Variants in ARB2A observed in about 807,000 individuals in gnomAD.
The protein encoded by ARB2A is cotranscriptional regulator ARB2A.
chr5:93,901,406 C>G, the ARB2A span, among the ~76,000 whole-genome samples: 3 of 152,098 alleles, frequency 2.0e-5, no homozygotes, highest in African/African-American at 7.2e-5. Context: ...TATGGCTGAA[C>G]AGAAGCGTAG....
the ARB2A span, among the ~76,000 whole-genome samples, chr5:93,983,051 G>A: frequency 2.0e-5 from 3 of 152,064 alleles, no homozygotes; most frequent in African/African-American, 7.2e-5. Context: ...GTGAGACTCC[G>A]ATACACACCT....
chr5:93,958,019 T>C, the ARB2A span, among the ~76,000 whole-genome samples: 6 of 151,818 alleles, frequency 4.0e-5, no homozygotes, highest in East Asian at 1.9e-4. Context: ...CTTTGCAAAA[T>C]TGGGCTGTTC....
the ARB2A span, among the ~76,000 whole-genome samples, chr5:93,656,466 A>G: frequency 6.6e-6 from 1 of 152,166 alleles, no homozygotes; most frequent in African/African-American, 2.4e-5. Flanking sequence ...TATTTGGTTA[A>G]AAACTGAATT....
At chr5:93,806,122 C>CA in the ARB2A span, among the ~76,000 whole-genome samples, 4 of 151,768 alleles carry the variant, frequency 2.6e-5, no homozygotes, top group East Asian at 7.8e-4. Context: ...TATACAATTC[C>CA]AATTCAGAGA....
the ARB2A span, among the ~76,000 whole-genome samples, chr5:93,952,761 C>T: frequency 1.3e-5 from 2 of 152,138 alleles, no homozygotes; most frequent in Admixed American, 1.3e-4. Context: ...AAACTTTCTA[C>T]CTCTACTTCT....
chr5:93,823,758 C>T, the ARB2A span, among the ~76,000 whole-genome samples: 5 of 152,006 alleles, frequency 3.3e-5, no homozygotes, highest in Non-Finnish European at 5.9e-5. Flanking sequence ...AGATTGAGAA[C>T]ATCCTGGCCA....
the ARB2A span, among the ~76,000 whole-genome samples, chr5:93,648,183 T>A: frequency 6.6e-6 from 1 of 151,888 alleles, no homozygotes; most frequent in Non-Finnish European, 1.5e-5. Flanking sequence ...TTATTTCTTA[T>A]TTTAATTTAA....
chr5:93,728,547 T>C, the ARB2A span, among the ~76,000 whole-genome samples: 1 of 152,086 alleles, frequency 6.6e-6, no homozygotes, highest in Non-Finnish European at 1.5e-5. Context: ...ACAGTTTTTT[T>C]TAAAATCAAA....
chr5:93,890,191 G>A, the ARB2A span, among the ~76,000 whole-genome samples: 2 of 151,880 alleles, frequency 1.3e-5, no homozygotes, highest in Non-Finnish European at 2.9e-5. Context: ...ACTATCAGTT[G>A]TTTTTAGATA....
the ARB2A span, among the ~76,000 whole-genome samples, chr5:93,832,957 T>C: frequency 1.3e-5 from 2 of 152,174 alleles, no homozygotes; most frequent in Admixed American, 6.5e-5. Context: ...TTTACTACAA[T>C]GTCTTACAAG....
chr5:93,618,031 A>G, the ARB2A span: 1 of 152,202 alleles, frequency 6.6e-6, no homozygotes, highest in Non-Finnish European at 1.5e-5. Flanking sequence ...TTGGTGAATA[A>G]GCAAGAATTC....
chr5:93,631,702 T>A, the ARB2A span, among the ~76,000 whole-genome samples: 1 of 151,732 alleles, frequency 6.6e-6, no homozygotes, highest in African/African-American at 2.4e-5. Flanking sequence ...TTTACAGATA[T>A]CTTGTCAGGC....
the ARB2A span, among the ~76,000 whole-genome samples, chr5:93,622,087 G>A: frequency 1.3e-5 from 2 of 152,184 alleles, no homozygotes; most frequent in Admixed American, 6.5e-5. Context: ...GCAAGCATAA[G>A]AACAGATGAG....
At chr5:93,638,451 T>G in the ARB2A span, among the ~76,000 whole-genome samples, 1 of 152,212 alleles carries the variant, frequency 6.6e-6, no homozygotes, top group Non-Finnish European at 1.5e-5. Context: ...AGCTTTTTTC[T>G]TTTTAATACT....
At chr5:93,932,563 T>TTC in the ARB2A span, among the ~76,000 whole-genome samples, 3 of 152,244 alleles carry the variant, frequency 2.0e-5, no homozygotes, top group African/African-American at 7.2e-5. Flanking sequence ...ATAGAGCCAT[T>TTC]TCTTCAGTTT....
At chr5:93,977,169 T>C in the ARB2A span, among the ~76,000 whole-genome samples, 1 of 152,176 alleles carries the variant, frequency 6.6e-6, no homozygotes, top group African/African-American at 2.4e-5. Context: ...AAAATATTTA[T>C]ACTGCCCAAA....
At chr5:94,032,220 G>C in the ARB2A span, among the ~76,000 whole-genome samples, 7 of 152,144 alleles carry the variant, frequency 4.6e-5, no homozygotes, top group Non-Finnish European at 1.0e-4. Context: ...AGTTTATAAA[G>C]AAAAGAGATT....
the ARB2A span, chr5:93,782,005 A>C: frequency 1.1e-6 from 1 of 881,408 alleles, no homozygotes; most frequent in Non-Finnish European, 1.4e-6. Context: ...TCATCCTGAG[A>C]GTTTGGAAAC....
chr5:93,775,984 G>A, the ARB2A span, among the ~76,000 whole-genome samples: 1 of 152,204 alleles, frequency 6.6e-6, no homozygotes, highest in African/African-American at 2.4e-5. Flanking sequence ...AGCATTTTAA[G>A]CTACTTAACA....
Sources: allele counts gnomAD v4.1 joint callset (sites outside exome capture counted in the v4.1 genomes callset), GRCh38; gene constraint gnomAD v4.1.1; transcripts MANE v1.5; gene names NCBI Gene and HGNC (gene_info 2026-07-23, HGNC 2026-07-21).